The following SHISA9 variants were observed in gnomAD, a reference collection of about 807,000 sequenced individuals.
SHISA9 encodes shisa family member 9.
A neutral mutation model predicts 38.0 loss-of-function variants in SHISA9; 13 were observed. The ratio of observed to expected loss-of-function variants is 0.34; its 90% CI spans 0.22 to 0.54. The LOEUF is 0.54. SHISA9 is among the 20% of genes least tolerant of loss of function. SHISA9 has a pLI of 0.91. For missense variants in SHISA9, 538 were observed against 575.8 expected, an observed-to-expected ratio of 0.93 and a Z score of 0.67; for synonymous variants, 275 against 242.0, an observed-to-expected ratio of 1.14 and a Z score of -1.27.
At chr16:13,046,117 C>T (rs112523101) in intron 2 of SHISA9, among the ~76,000 whole-genome samples, 3 of 151,848 alleles carry the variant, frequency 2.0e-5, no homozygotes, top group African/African-American at 7.2e-5. Flanking sequence ...ATATCTACCC[C>T]ACTCCCTGCC....
At chr16:13,374,998 C>G in the SHISA9 span, among the ~76,000 whole-genome samples, 1 of 152,160 alleles carries the variant, frequency 6.6e-6, no homozygotes, top group African/African-American at 2.4e-5. Context: ...CCTTTGCCCA[C>G]TTTTTGATGG....
At chr16:13,262,678 G>GAGGAAGGAAGGAAGGAAGGAAGGA in the SHISA9 span, among the ~76,000 whole-genome samples, 72 of 55,890 alleles carry the variant, frequency 1.3e-3, 1 homozygote, top group South Asian at 2.5e-3. Context: ...GGAAGGGAGG[G>GAGGAAGGAAGGAAGGAAGGAAGGA]AGGAAGGAAG....
In SHISA9 at chr16:12,902,206, G is replaced by C. The variant is rs1447999659; in HGVS notation, c.142G>C (p.Gly48Arg). The C allele has an allele frequency of 2.6e-6, 4 of 1,531,198 alleles. No individual in the cohort carries two copies. Among genetic ancestry groups the C allele is most frequent in the African/African-American group, 1.4e-5 (1 of 72,728 alleles). 94.9% of individuals were successfully genotyped at this position (1,531,198 alleles called of 1,614,324 possible). A position where few individuals can be genotyped will look rare whatever the true frequency, so the allele number is the denominator to read the frequency against. ...GCTGCTGGCGGGGGGCAACCGCTCCGGGGCCGCCTCCGGAGAGGCCAGCGA... is the reference window on the plus strand; with the variant it reads ...GCTGCTGGCGGGGGGCAACCGCTCCCGGGCCGCCTCCGGAGAGGCCAGCGA... ...VLLLAGGNRS[G>R]AASGEASEGA... The change falls in exon 1 of 5, where the codon GGG becomes CGG. Residue 48 changes from glycine to arginine, a missense_variant. This residue lies in a region of SHISA9 where 107 missense variants were observed against 103.0 expected (regional missense o/e 1.04). Transcript: ENST00000558583.
At chr16:13,400,589 C>T in the SHISA9 span, among the ~76,000 whole-genome samples, 3 of 152,216 alleles carry the variant, frequency 2.0e-5, no homozygotes, top group African/African-American at 7.2e-5. Context: ...CTCCCCTTAC[C>T]TTCCCAGTGA....
the SHISA9 span, among the ~76,000 whole-genome samples, chr16:13,411,246 G>GA: frequency 6.6e-6 from 1 of 152,116 alleles, no homozygotes; most frequent in Non-Finnish European, 1.5e-5. Flanking sequence ...CTACATAAAA[G>GA]AAAAAATGGG....
chr16:13,126,771 G>A (rs1465851693), intron 2 of SHISA9, among the ~76,000 whole-genome samples: 9 of 145,508 alleles, frequency 6.2e-5, no homozygotes, highest in Admixed American at 5.4e-4. Flanking sequence ...GAGGGAGAGA[G>A]AGCTGAGGGA....
At chr16:13,394,854 A>G in the SHISA9 span, among the ~76,000 whole-genome samples, 2 of 151,670 alleles carry the variant, frequency 1.3e-5, no homozygotes, top group South Asian at 2.1e-4. Context: ...CTTGCACACA[A>G]ACGAATCCCA....
At chr16:13,019,280 G>A (rs1013667687) in intron 2 of SHISA9, among the ~76,000 whole-genome samples, 1 of 152,088 alleles carries the variant, frequency 6.6e-6, no homozygotes. Context: ...GATTACAGAC[G>A]TGAGCCACCA....
At chr16:13,499,390 C>T in the SHISA9 span, among the ~76,000 whole-genome samples, 62 of 152,220 alleles carry the variant, frequency 4.1e-4, no homozygotes, top group African/African-American at 1.4e-3. Context: ...TGTAAGAATA[C>T]ACAAAGGAAA....
the SHISA9 span, among the ~76,000 whole-genome samples, chr16:13,281,896 C>A: frequency 6.6e-6 from 1 of 151,798 alleles, no homozygotes; most frequent in Non-Finnish European, 1.5e-5. Flanking sequence ...CATTACCCAG[C>A]ACCCTTATGA....
intron 4 of SHISA9, among the ~76,000 whole-genome samples, chr16:13,223,155 G>A (rs935454840): frequency 1.2e-4 from 18 of 152,146 alleles, no homozygotes; most frequent in Non-Finnish European, 1.2e-4. Context: ...GGCTGGGTGC[G>A]GTGGCTCATG....
intron 2 of SHISA9, among the ~76,000 whole-genome samples, chr16:13,194,796 G>A (rs939478512): frequency 7.2e-5 from 11 of 152,204 alleles, no homozygotes; most frequent in Non-Finnish European, 1.5e-4. Context: ...TGATAAAGTT[G>A]TGTCCCATGA....
intron 2 of SHISA9, among the ~76,000 whole-genome samples, chr16:13,094,555 C>T (rs753020147): frequency 3.9e-5 from 6 of 152,124 alleles, no homozygotes; most frequent in African/African-American, 1.2e-4. Context: ...TTCTCAAAGT[C>T]GGAGGGAAAG....
At chr16:13,127,706 G>A (rs2050273656) in intron 2 of SHISA9, among the ~76,000 whole-genome samples, 2 of 152,080 alleles carry the variant, frequency 1.3e-5, no homozygotes, top group Admixed American at 6.5e-5. Flanking sequence ...TATTCCAGAA[G>A]ACCCAATTCT....
At chr16:13,391,263 A>C in the SHISA9 span, among the ~76,000 whole-genome samples, 5 of 152,188 alleles carry the variant, frequency 3.3e-5, no homozygotes, top group African/African-American at 1.2e-4. Context: ...ATATAAGTCT[A>C]TTATCTGCTT....
At chr16:13,285,633 G>C in the SHISA9 span, among the ~76,000 whole-genome samples, 1 of 151,998 alleles carries the variant, frequency 6.6e-6, no homozygotes, top group Non-Finnish European at 1.5e-5. Flanking sequence ...CATAGATCCC[G>C]CTTTGGGGAC....
the SHISA9 span, among the ~76,000 whole-genome samples, chr16:13,322,844 GTTGT>G: frequency 2.6e-5 from 4 of 152,150 alleles, no homozygotes; most frequent in African/African-American, 9.7e-5. Flanking sequence ...GGCCCGTAAA[GTTGT>G]TTAACTCCCA....
chr16:13,150,440 T>G (rs1228821849), intron 2 of SHISA9, among the ~76,000 whole-genome samples: 2 of 152,128 alleles, frequency 1.3e-5, no homozygotes, highest in African/African-American at 2.4e-5. Flanking sequence ...CCTTCATTAT[T>G]GTGGTAGACT....
chr16:13,413,725 T>C, the SHISA9 span, among the ~76,000 whole-genome samples: 1 of 112,972 alleles, frequency 8.9e-6, no homozygotes, highest in Non-Finnish European at 1.6e-5. Context: ...GCCATTGTAC[T>C]ACAGCCTGGG....
Sources: allele counts gnomAD v4.1 joint callset (sites outside exome capture counted in the v4.1 genomes callset), GRCh38; gene constraint gnomAD v4.1.1; regional missense constraint gnomAD v4.1.1; transcripts MANE v1.5; gene names NCBI Gene and HGNC (gene_info 2026-07-23, HGNC 2026-07-21).